PACRG: variants seen among roughly 807,000 people sequenced by gnomAD.
PACRG encodes parkin coregulated.
In PACRG, 29 loss-of-function variants were observed where a neutral mutation model predicts 29.7. That is an observed-to-expected ratio of 0.98 (90% CI 0.73 to 1.33). The LOEUF is 1.33. Among genes scored for constraint, PACRG ranks in the 40% most tolerant of loss-of-function variants. PACRG has a pLI of 0.00. For missense variants in PACRG, 279 were observed against 316.2 expected (o/e 0.88, Z 0.89); for synonymous variants, 116 against 118.7 (o/e 0.98, Z 0.15).
chr6:163,004,449 T>TTCTTCA, intron 2 of PACRG, among the ~76,000 whole-genome samples: 1 of 151,622 alleles, frequency 6.6e-6, no homozygotes, highest in Non-Finnish European at 1.5e-5. Flanking sequence ...GCAAGACACC[T>TTCTTCA]TCTTCACAAG....
intron 4 of PACRG, among the ~76,000 whole-genome samples, chr6:163,221,774 T>C (rs867768059): frequency 2.0e-5 from 3 of 152,288 alleles, no homozygotes; most frequent in Non-Finnish European, 2.9e-5. Context: ...AAGCTCAATG[T>C]CATTCGCTCA....
At chr6:162,740,539 A>C (rs184504916) in intron 1 of PACRG, among the ~76,000 whole-genome samples, 158 of 150,200 alleles carry the variant, frequency 1.1e-3, no homozygotes, top group African/African-American at 3.8e-3. Context: ...GATGGTCTTG[A>C]TCTCCTGACC....
intron 1 of PACRG, among the ~76,000 whole-genome samples, chr6:162,757,208 A>T (rs193092138): frequency 1.2e-4 from 19 of 152,284 alleles, no homozygotes; most frequent in African/African-American, 4.6e-4. Flanking sequence ...GGTGATCATC[A>T]GTTTGCTAAT....
chr6:162,933,543 A>G (rs550789647), intron 2 of PACRG, among the ~76,000 whole-genome samples: 40 of 148,970 alleles, frequency 2.7e-4, no homozygotes, highest in Admixed American at 1.8e-3. Flanking sequence ...AATATTTACA[A>G]TTGTTAGATT....
intron 2 of PACRG, among the ~76,000 whole-genome samples, chr6:162,943,110 A>G (rs1158473855): frequency 6.6e-6 from 1 of 152,154 alleles, no homozygotes; most frequent in Non-Finnish European, 1.5e-5. Flanking sequence ...TGAGACTAAC[A>G]TGGGGAGCTG....
chr6:163,161,932 A>G (rs1465430029), intron 4 of PACRG, among the ~76,000 whole-genome samples: 3 of 152,166 alleles, frequency 2.0e-5, no homozygotes, highest in African/African-American at 4.8e-5. Context: ...TCTCAAATGT[A>G]TTTGCATGAA....
rs1323634 is a variant in PACRG at position 163,027,482 on chromosome 6, C to T, written c.292-34668C>T. Among the ~76,000 whole-genome samples, 635 of 152,174 alleles carry T rather than the reference C, an allele frequency of 4.2e-3. 4 individuals carry two copies. Among genetic ancestry groups the T allele is most frequent in the African/African-American group, 0.013 (558 of 41,510 alleles). On this transcript the variant is annotated intron_variant, in intron 2 of 4. Transcript: ENST00000366888. ...GAATTTCTAGAATTCATTTAATGTC[C>T]CTTTGTCTAGGTTATGGGAGCATTT...
chr6:162,728,005 C>T lies in PACRG; in HGVS notation c.-231C>T. 1 of 634,844 alleles carries T rather than the reference C, an allele frequency of 1.6e-6. No individual in the cohort carries two copies. The highest frequency in any genetic ancestry group is 2.8e-6 in the Non-Finnish European group (1 of 361,540). The allele number at this position is 634,844 out of a possible 1,614,324, so 39.3% of individuals were successfully genotyped here. On this transcript the variant is annotated 5_prime_UTR_variant, in exon 1 of 5. Transcript: ENST00000366888. ...CAACCGGGAGGCTTACCTTTGGAAG[C>T]TTGTTGCAGCTCTAGCCAAGGTCCT...
At chr6:163,104,516 G>A (rs1009464062) in intron 4 of PACRG, among the ~76,000 whole-genome samples, 1 of 152,216 alleles carries the variant, frequency 6.6e-6, no homozygotes, top group Non-Finnish European at 1.5e-5. Flanking sequence ...ATTTGATGAG[G>A]GTCTTGTGCT....
chr6:163,115,032 T>G (rs577835761), intron 4 of PACRG, among the ~76,000 whole-genome samples: 39 of 152,340 alleles, frequency 2.6e-4, no homozygotes, highest in Non-Finnish European at 5.0e-4. Context: ...AGAGGAAGCT[T>G]CTTTAAAGAT....
At chr6:163,226,298 G>T (rs757417961) in intron 4 of PACRG, among the ~76,000 whole-genome samples, 4 of 152,148 alleles carry the variant, frequency 2.6e-5, no homozygotes, top group African/African-American at 9.7e-5. Context: ...GTCTGGTGAC[G>T]CTGGTTAATA....
intron 1 of PACRG, among the ~76,000 whole-genome samples, chr6:162,751,757 A>G (rs1193848226): frequency 1.3e-5 from 2 of 152,176 alleles, no homozygotes; most frequent in South Asian, 2.1e-4. Context: ...TGCTGGTTAA[A>G]GAAAAATGTG....
chr6:163,205,352 G>A (rs1378065626), intron 4 of PACRG, among the ~76,000 whole-genome samples: 1 of 152,084 alleles, frequency 6.6e-6, no homozygotes, highest in Non-Finnish European at 1.5e-5. Context: ...AGCATGTACT[G>A]GTATAAAAAC....
At chr6:162,774,253 G>A (rs561655640) in intron 1 of PACRG, among the ~76,000 whole-genome samples, 1 of 152,326 alleles carries the variant, frequency 6.6e-6, no homozygotes, top group Admixed American at 6.5e-5. Context: ...AAGCTGTACA[G>A]CTTTGCCAAT....
At chr6:162,844,807 A>T (rs1291757295) in intron 2 of PACRG, among the ~76,000 whole-genome samples, 4 of 152,196 alleles carry the variant, frequency 2.6e-5, no homozygotes, top group Non-Finnish European at 5.9e-5. Context: ...GTTATTTCTT[A>T]TATTTTCTCC....
At chr6:162,800,793 T>C (rs947502125) in intron 1 of PACRG, among the ~76,000 whole-genome samples, 1 of 152,196 alleles carries the variant, frequency 6.6e-6, no homozygotes, top group Non-Finnish European at 1.5e-5. Flanking sequence ...AATTAATACA[T>C]TGAAGTTTTC....
intron 2 of PACRG, among the ~76,000 whole-genome samples, chr6:162,880,394 G>A (rs1793732847): frequency 2.0e-5 from 3 of 152,278 alleles, no homozygotes; most frequent in African/African-American, 4.8e-5. Context: ...TTTGTTAGAT[G>A]TATTGCAACT....
At chr6:163,166,803 A>G (rs1405737703) in intron 4 of PACRG, among the ~76,000 whole-genome samples, 1 of 152,216 alleles carries the variant, frequency 6.6e-6, no homozygotes, top group Non-Finnish European at 1.5e-5. Flanking sequence ...TTATTACTAT[A>G]TAGTGTCTGG....
chr6:163,148,083 A>T (rs1195218925), intron 4 of PACRG, among the ~76,000 whole-genome samples: 1 of 152,174 alleles, frequency 6.6e-6, no homozygotes, highest in Non-Finnish European at 1.5e-5. Context: ...ACTGTAATCC[A>T]CCTGCAGACG....
Sources: gnomAD v4.1 joint callset for allele counts (sites outside exome capture counted in the v4.1 genomes callset) on GRCh38, gnomAD v4.1.1 for gene constraint, MANE v1.5 for transcripts, NCBI Gene and HGNC (gene_info 2026-07-23, HGNC 2026-07-21) for gene names.